The following R3HDM1 variants were observed in gnomAD, a reference collection of about 807,000 sequenced individuals.
The protein encoded by R3HDM1 is R3H domain containing 1.
Under a neutral mutation model 141.1 loss-of-function variants are expected in R3HDM1, and 46 were observed. The ratio of observed to expected loss-of-function variants is 0.33; its 90% CI spans 0.26 to 0.42. The LOEUF (loss-of-function observed/expected upper bound fraction) is 0.42. Among genes scored for constraint, R3HDM1 ranks in the 10% least tolerant of loss-of-function variants. R3HDM1 has a pLI of 1.00. For missense variants in R3HDM1, 1,184 were observed against 1,368.3 expected (o/e 0.87, Z 2.12); for synonymous variants, 435 against 472.9 (o/e 0.92, Z 1.04).
In R3HDM1 at chr2:135,636,112, A is replaced by C; in HGVS notation, c.832A>C (p.Arg278=). The C allele has an allele frequency of 6.2e-7, 1 of 1,612,900 alleles. No homozygotes were observed. Among genetic ancestry groups the C allele is most frequent in the Non-Finnish European group, 8.5e-7 (1 of 1,179,496 alleles). ...GATGAGAATACGTTTGAAAGATGAC[A>C]GAAGAAGCAAATCTATAGAAGAAAG... ...NQMRIRLKDD[R]RSKSIEEREE... The change falls in exon 11 of 27, where the codon AGA becomes CGA. Residue 278 remains arginine (R), a synonymous_variant. Coordinates refer to ENST00000683871, the MANE Select transcript of R3HDM1 (RefSeq NM_001378107.1).
At position 135,721,915 on chromosome 2, in the gene R3HDM1, G is replaced by T; in HGVS notation, c.2882-9G>T. 1 of 1,609,510 alleles carries T rather than the reference G, an allele frequency of 6.2e-7. No individual in the cohort carries two copies. Among genetic ancestry groups the T allele is most frequent in the South Asian group, 1.1e-5 (1 of 90,912 alleles). The stretch of plus-strand genomic sequence containing the variant: ...TGGCAATAAAATAAAATATTTTATT[G>T]ACTTTCAGGAGATTCCAGGTATCCA... On this transcript the variant is annotated splice_polypyrimidine_tract_variant and intron_variant, in intron 24 of 26. Transcript: ENST00000683871.
intron 1 of R3HDM1, chr2:135,581,456 T>G: frequency 1.1e-6 from 1 of 935,244 alleles, no homozygotes; most frequent in Non-Finnish European, 1.3e-6. Context: ...CACCATTGGT[T>G]GTGGACTGTT....
chr2:135,639,957 G>A (rs1033795794), intron 14 of R3HDM1, among the ~76,000 whole-genome samples: 5 of 152,032 alleles, frequency 3.3e-5, no homozygotes, highest in Non-Finnish European at 7.4e-5. Context: ...AAATCAGCTG[G>A]GCGTAATAGC....
At chr2:135,654,487 T>G (rs1430651274) in intron 18 of R3HDM1, among the ~76,000 whole-genome samples, 1 of 152,040 alleles carries the variant, frequency 6.6e-6, no homozygotes, top group Non-Finnish European at 1.5e-5. Flanking sequence ...GTCTCTTTGT[T>G]GCCCAGGCTG....
intron 21 of R3HDM1, among the ~76,000 whole-genome samples, chr2:135,704,670 G>C (rs1327456594): frequency 6.6e-6 from 1 of 151,684 alleles, no homozygotes; most frequent in Non-Finnish European, 1.5e-5. Context: ...AGGGTTTCAG[G>C]CTAGTCTCAA....
chr2:135,644,676 G>T (rs1289419912), intron 15 of R3HDM1, among the ~76,000 whole-genome samples: 1 of 152,130 alleles, frequency 6.6e-6, no homozygotes, highest in Non-Finnish European at 1.5e-5. Context: ...AAAAACTAAT[G>T]AATAACTTTC....
At chr2:135,637,032 A>G (rs2063331570) in intron 11 of R3HDM1, among the ~76,000 whole-genome samples, 1 of 152,220 alleles carries the variant, frequency 6.6e-6, no homozygotes, top group African/African-American at 2.4e-5. Flanking sequence ...GAGATCACAC[A>G]GCTAGAAAAT....
chr2:135,597,418 G>A (rs2059281056), intron 1 of R3HDM1, among the ~76,000 whole-genome samples: 1 of 152,172 alleles, frequency 6.6e-6, no homozygotes, highest in Non-Finnish European at 1.5e-5. Context: ...TTATATTCTT[G>A]TTCAAGTGAC....
At chr2:135,556,225 G>T (rs1423164108) in intron 1 of R3HDM1, among the ~76,000 whole-genome samples, 2 of 152,162 alleles carry the variant, frequency 1.3e-5, no homozygotes, top group East Asian at 3.9e-4. Flanking sequence ...GAATGGAGGG[G>T]ATTAGCAGGT....
intron 19 of R3HDM1, chr2:135,670,506 C>A: frequency 2.9e-6 from 2 of 701,722 alleles, no homozygotes; most frequent in Non-Finnish European, 3.5e-6. Flanking sequence ...GATGTGGAAG[C>A]ATTATATGAA....
At chr2:135,716,343 G>T (rs950784908) in intron 24 of R3HDM1, among the ~76,000 whole-genome samples, 1 of 152,186 alleles carries the variant, frequency 6.6e-6, no homozygotes, top group Non-Finnish European at 1.5e-5. Flanking sequence ...AATTTATTCA[G>T]CAATCATTTA....
intron 1 of R3HDM1, among the ~76,000 whole-genome samples, chr2:135,583,147 T>TC (rs1397334136): frequency 6.6e-6 from 1 of 152,230 alleles, no homozygotes; most frequent in Non-Finnish European, 1.5e-5. Context: ...CAGTTGCTCC[T>TC]CAGATTCCTG....
chr2:135,617,183 C>G (rs1034697862), intron 5 of R3HDM1, among the ~76,000 whole-genome samples: 2 of 151,822 alleles, frequency 1.3e-5, no homozygotes, highest in East Asian at 3.9e-4. Flanking sequence ...AAAAATTAGC[C>G]GGGCATGGTG....
At chr2:135,571,310 A>T (rs985059485) in intron 1 of R3HDM1, among the ~76,000 whole-genome samples, 134 of 151,710 alleles carry the variant, frequency 8.8e-4, no homozygotes, top group Non-Finnish European at 1.7e-3. Flanking sequence ...TTATTTTATT[A>T]TTTTTTTTTA....
rs1271997298 is a variant in R3HDM1 at position 135,645,390 on chromosome 2, A to G, written c.1486A>G (p.Ile496Val). The change falls in exon 16 of 27, where the codon ATA becomes GTA. Residue 496 changes from isoleucine (I) to valine (V), a missense_variant. Ile to Val is a conservative substitution (Grantham distance 29). Coordinates refer to ENST00000683871, the MANE Select transcript of R3HDM1 (RefSeq NM_001378107.1). ...LINPQTGQPF[I>V]NPDGSPVVYN... ...TTTGAATTTTTCAGGTCAGCCCTTC[A>G]TAAACCCAGATGGGAGTCCAGTTGT... 1 of 1,608,352 alleles carries G rather than the reference A, an allele frequency of 6.2e-7. No individual in the cohort carries two copies. The highest frequency in any genetic ancestry group is 8.5e-7 in the Non-Finnish European group (1 of 1,176,124).
At chr2:135,665,634 C>A (rs776703172) in intron 19 of R3HDM1, among the ~76,000 whole-genome samples, 5 of 152,100 alleles carry the variant, frequency 3.3e-5, no homozygotes, top group Admixed American at 2.0e-4. Flanking sequence ...ACATCTTTGG[C>A]CTAATATAAT....
Position 135,639,256 on chromosome 2 carries a change from G to A in R3HDM1, c.1219+134G>A, listed in dbSNP as rs753339604. 335 of 784,278 alleles carry A rather than the reference G, an allele frequency of 4.3e-4. 1 individual carries two copies. Among genetic ancestry groups the A allele is most frequent in the Non-Finnish European group, 6.0e-4 (294 of 490,752 alleles). 48.6% of individuals were successfully genotyped at this position (784,278 alleles called of 1,614,324 possible). A position where few individuals can be genotyped will look rare whatever the true frequency, so the allele number is the denominator to read the frequency against. The stretch of plus-strand genomic sequence containing the variant: ...TATCAATAGTACCTTGACCACCTCC[G>A]GAGCACTTAAGGGGTAATATGTTTC... On this transcript the variant is annotated intron_variant, in intron 14 of 26. Coordinates refer to ENST00000683871, the MANE Select transcript of R3HDM1 (RefSeq NM_001378107.1).
At chr2:135,628,782 C>T (rs1182209797) in intron 7 of R3HDM1, among the ~76,000 whole-genome samples, 3 of 152,164 alleles carry the variant, frequency 2.0e-5, no homozygotes, top group Admixed American at 6.5e-5. Flanking sequence ...TGCGCCACCA[C>T]GCCCGGCTAT....
intron 1 of R3HDM1, chr2:135,581,147 G>T (rs533103368): frequency 3.0e-4 from 297 of 974,086 alleles, no homozygotes; most frequent in Middle Eastern, 1.1e-3. Flanking sequence ...CCAGTAAGAA[G>T]CCTCTTGGGG....
Sources: gnomAD v4.1 joint callset for allele counts (sites outside exome capture counted in the v4.1 genomes callset) on GRCh38, gnomAD v4.1.1 for gene constraint, MANE v1.5 for transcripts, NCBI Gene and HGNC (gene_info 2026-07-23, HGNC 2026-07-21) for gene names.